DOCK8: variants seen among roughly 807,000 people sequenced by gnomAD.
DOCK8 encodes dedicator of cytokinesis 8, also known as dedicator of cytokinesis protein 8.
In DOCK8, 141 loss-of-function variants were observed where a neutral mutation model predicts 245.6. The ratio of observed to expected loss-of-function variants is 0.57; its 90% CI spans 0.50 to 0.66. The LOEUF (loss-of-function observed/expected upper bound fraction) is 0.66, where lower values mean the gene tolerates loss of function less well. Ranked by LOEUF, DOCK8 falls within the 30% of genes least tolerant of loss-of-function variation. DOCK8 has a pLI of 0.00. For synonymous variants in DOCK8, 1,168 were observed against 970.2 expected (o/e 1.20, Z -3.79); for missense variants, 2,965 against 2,603.4 (o/e 1.14, Z -3.02).
At chr9:353,466 G>C (rs1233674661) in intron 14 of DOCK8, among the ~76,000 whole-genome samples, 3 of 152,112 alleles carry the variant, frequency 2.0e-5, no homozygotes, top group Non-Finnish European at 2.9e-5. Context: ...AACTAATAAA[G>C]GATCTACCCC....
chr9:281,942 C>T (rs540210552), intron 2 of DOCK8, among the ~76,000 whole-genome samples: 24 of 152,264 alleles, frequency 1.6e-4, no homozygotes, highest in South Asian at 6.2e-4. Context: ...GTGCCAGAAC[C>T]GTACTCAGTA....
intron 9 of DOCK8, among the ~76,000 whole-genome samples, chr9:331,219 A>C (rs1372110819): frequency 2.0e-5 from 3 of 152,216 alleles, no homozygotes; most frequent in African/African-American, 7.2e-5. Flanking sequence ...AACAATAAGT[A>C]AACGATTGCT....
intron 30 of DOCK8, among the ~76,000 whole-genome samples, chr9:419,027 G>A (rs1172524896): frequency 6.6e-6 from 1 of 152,156 alleles, no homozygotes; most frequent in Non-Finnish European, 1.5e-5. Context: ...CTCAAAGAGG[G>A]GCTCCTCTGG....
intron 1 of DOCK8, among the ~76,000 whole-genome samples, chr9:255,668 CAAAAAAAAA>C (rs71317282): frequency 4.3e-5 from 1 of 23,504 alleles, no homozygotes; most frequent in Non-Finnish European, 7.6e-5. Context: ...ACTCCATCTC[CAAAAAAAAA>C]AAAAAAAAAA....
chr9:415,661 C>T (rs2055963556), intron 29 of DOCK8, among the ~76,000 whole-genome samples: 1 of 133,748 alleles, frequency 7.5e-6, no homozygotes, highest in African/African-American at 2.8e-5. Context: ...CTCTCCACAG[C>T]GTACGTGTGT....
intron 1 of DOCK8, chr9:268,395 AC>A (rs1393565175): frequency 6.6e-6 from 1 of 152,234 alleles, no homozygotes; most frequent in African/African-American, 2.4e-5. Flanking sequence ...GAACAGAAAT[AC>A]CAGTTGACCC....
At chr9:403,237 C>A (rs543167062) in intron 26 of DOCK8, among the ~76,000 whole-genome samples, 1 of 152,310 alleles carries the variant, frequency 6.6e-6, no homozygotes, top group African/African-American at 2.4e-5. Context: ...GAAAGATACC[C>A]ATAGTGGGGC....
intron 11 of DOCK8, among the ~76,000 whole-genome samples, chr9:335,319 C>T (rs1158517814): frequency 5.3e-5 from 8 of 152,100 alleles, no homozygotes; most frequent in Non-Finnish European, 1.0e-4. Context: ...GCCCATATCA[C>T]CTGTGGTGGG....
At chr9:364,619 G>A (rs1392022325) in intron 14 of DOCK8, among the ~76,000 whole-genome samples, 4 of 142,318 alleles carry the variant, frequency 2.8e-5, no homozygotes, top group Non-Finnish European at 6.0e-5. Context: ...GGGCAACAGA[G>A]TGAGATCCTG....
intron 28 of DOCK8, among the ~76,000 whole-genome samples, chr9:412,183 G>T (rs1227022217): frequency 1.3e-5 from 2 of 151,992 alleles, no homozygotes; most frequent in Admixed American, 1.3e-4. Context: ...TGGACAGATC[G>T]CTTTGAGCCC....
At chr9:373,425 A>C (rs2053385470) in intron 18 of DOCK8, among the ~76,000 whole-genome samples, 1 of 152,182 alleles carries the variant, frequency 6.6e-6, no homozygotes, top group African/African-American at 2.4e-5. Flanking sequence ...TCAAATATTC[A>C]GTCACTGATC....
rs191235703 is a variant in DOCK8, at chr9:239,791, G to C, written c.53+24762G>C. Among the ~76,000 whole-genome samples the C allele has an allele frequency of 4.3e-4, 66 of 152,202 alleles. 1 individual carries two copies. Among genetic ancestry groups the C allele is most frequent in the African/African-American group, 1.4e-3 (58 of 41,528 alleles). Reference sequence around the variant, plus strand: ...CATACTTCTACAAAACTGGAAGTATGCTTATATATTGTATCATAACCTGCT... The same window carrying C: ...CATACTTCTACAAAACTGGAAGTATCCTTATATATTGTATCATAACCTGCT... On this transcript the variant is annotated intron_variant, in intron 1 of 47. Coordinates refer to ENST00000432829, the MANE Select transcript of DOCK8 (RefSeq NM_203447.4).
intron 44 of DOCK8, among the ~76,000 whole-genome samples, chr9:448,152 G>T (rs970527283): frequency 2.0e-5 from 3 of 151,982 alleles, no homozygotes; most frequent in African/African-American, 7.3e-5. Flanking sequence ...GAGTGCAGTG[G>T]CATGAACATG....
intron 14 of DOCK8, among the ~76,000 whole-genome samples, chr9:348,182 A>G (rs558212675): frequency 6.6e-6 from 1 of 152,170 alleles, no homozygotes; most frequent in Non-Finnish European, 1.5e-5. Context: ...CAAGAGATGC[A>G]TCCCTTAATG....
At chr9:215,715 C>T (rs2046734797) in intron 1 of DOCK8, 1 of 300,508 alleles carries the variant, frequency 3.3e-6, no homozygotes, top group Non-Finnish European at 6.4e-6. Context: ...GGGATCCCAA[C>T]TCACCATCCA....
At chr9:265,999 GA>G in intron 1 of DOCK8, among the ~76,000 whole-genome samples, 1 of 152,218 alleles carries the variant, frequency 6.6e-6, no homozygotes, top group East Asian at 1.9e-4. Flanking sequence ...ATTTTATAAA[GA>G]AATGAGGCAG....
intron 15 of DOCK8, chr9:369,587 G>C (rs1256654328): frequency 6.5e-6 from 1 of 154,204 alleles, no homozygotes; most frequent in Non-Finnish European, 1.4e-5. Flanking sequence ...TGAGAGAGAA[G>C]AACCTGGAAC....
chr9:352,165 T>C (rs1180213825), intron 14 of DOCK8, among the ~76,000 whole-genome samples: 8 of 152,076 alleles, frequency 5.3e-5, no homozygotes, highest in Non-Finnish European at 1.2e-4. Context: ...GCTCTAGAGA[T>C]AGCTGCCTGC....
rs775396042 is a variant in DOCK8 at position 421,079 on chromosome 9, G to T, written c.4153+1G>T. 1 of 1,614,008 alleles carries T rather than the reference G, an allele frequency of 6.2e-7. No homozygotes were observed. Among genetic ancestry groups the T allele is most frequent in the South Asian group, 1.1e-5 (1 of 91,070 alleles). ...GAGATGATGCGCCGCCGGGCTCCAG[G>T]TGTGTTGGACTGGCCCTTCCCTGCT... On this transcript the variant is annotated splice_donor_variant, in intron 32 of 47. Coordinates refer to ENST00000432829, the MANE Select transcript of DOCK8 (RefSeq NM_203447.4). LOFTEE classifies it high-confidence loss of function.
Sources: allele counts gnomAD v4.1 joint callset (sites outside exome capture counted in the v4.1 genomes callset), GRCh38; gene constraint gnomAD v4.1.1; transcripts MANE v1.5; gene names NCBI Gene and HGNC (gene_info 2026-07-23, HGNC 2026-07-21).